The following KAT2B variants were observed in gnomAD, a reference collection of about 807,000 sequenced individuals.
KAT2B encodes the protein lysine acetyltransferase 2B.
In KAT2B, 36 loss-of-function variants were observed where a neutral mutation model predicts 105.9. The ratio of observed to expected loss-of-function variants is 0.34; its 90% CI spans 0.26 to 0.45. The LOEUF (loss-of-function observed/expected upper bound fraction) is 0.45, where lower values mean the gene tolerates loss of function less well. Ranked by LOEUF, KAT2B falls within the 20% of genes least tolerant of loss-of-function variation. The pLI, the probability that KAT2B is intolerant of heterozygous loss-of-function variation, is 1.00. For missense variants in KAT2B, 820 were observed against 1,021.6 expected, an observed-to-expected ratio of 0.80 and a Z score of 2.69; for synonymous variants, 397 against 377.9, an observed-to-expected ratio of 1.05 and a Z score of -0.59.
chr3:20,138,048 A>C (rs1236348105), intron 12 of KAT2B, among the ~76,000 whole-genome samples: 1 of 152,216 alleles, frequency 6.6e-6, no homozygotes, highest in East Asian at 1.9e-4. Context: ...ATTATTTTTA[A>C]TAGTGATTTA....
chr3:20,151,194 A>G (rs3804572), intron 17 of KAT2B, among the ~76,000 whole-genome samples: 28,983 of 152,156 alleles, frequency 0.19, 3,144 homozygotes, highest in East Asian at 0.38. Flanking sequence ...ATGTGATGAC[A>G]TACACTCTAA....
chr3:20,053,590 G>A (rs1360778088), intron 1 of KAT2B, among the ~76,000 whole-genome samples: 1 of 152,110 alleles, frequency 6.6e-6, no homozygotes, highest in Non-Finnish European at 1.5e-5. Flanking sequence ...TATGAGATCA[G>A]TGAGTTAAAA....
intron 1 of KAT2B, among the ~76,000 whole-genome samples, chr3:20,052,757 C>T (rs1332704287): frequency 4.6e-5 from 7 of 151,972 alleles, no homozygotes; most frequent in African/African-American, 9.7e-5. Flanking sequence ...CACCTGAGGT[C>T]GGGAGTTTGA....
chr3:20,073,633 AGCTCT>A (rs1698365542), intron 2 of KAT2B, among the ~76,000 whole-genome samples: 1 of 152,240 alleles, frequency 6.6e-6, no homozygotes, highest in South Asian at 2.1e-4. Context: ...AAACAATGTG[AGCTCT>A]GAGTTTTGAA....
At chr3:20,061,089 C>T (rs1698092153) in intron 1 of KAT2B, among the ~76,000 whole-genome samples, 1 of 152,172 alleles carries the variant, frequency 6.6e-6, no homozygotes, top group African/African-American at 2.4e-5. Flanking sequence ...ATCCACAGAA[C>T]ACTTTTCAGC....
chr3:20,130,867 G>A (rs1049747585), intron 11 of KAT2B, among the ~76,000 whole-genome samples: 32 of 151,712 alleles, frequency 2.1e-4, no homozygotes, highest in African/African-American at 3.4e-4. Context: ...GTGTGTGTGT[G>A]TGTGCGTGCA....
intron 1 of KAT2B, among the ~76,000 whole-genome samples, chr3:20,061,631 C>T (rs565031096): frequency 2.6e-5 from 4 of 151,778 alleles, no homozygotes; most frequent in South Asian, 2.1e-4. Flanking sequence ...TACATCCTCT[C>T]CAACACTGTT....
At chr3:20,075,004 G>C (rs1424803664) in intron 2 of KAT2B, among the ~76,000 whole-genome samples, 1 of 152,062 alleles carries the variant, frequency 6.6e-6, no homozygotes, top group Admixed American at 6.6e-5. Flanking sequence ...GGTGGCTCAC[G>C]CCTGTAATTC....
chr3:20,068,088 C>T (rs900425915), intron 1 of KAT2B, among the ~76,000 whole-genome samples: 1 of 151,768 alleles, frequency 6.6e-6, no homozygotes, highest in Non-Finnish European at 1.5e-5. Context: ...CCTCTGCCTC[C>T]CGGGTTCAAG....
intron 8 of KAT2B, among the ~76,000 whole-genome samples, chr3:20,121,311 G>C (rs1699303658): frequency 6.6e-6 from 1 of 152,188 alleles, no homozygotes; most frequent in Non-Finnish European, 1.5e-5. Flanking sequence ...TATTGAGATA[G>C]CAGTGGGATT....
At chr3:20,066,122 A>G (rs1698219360) in intron 1 of KAT2B, among the ~76,000 whole-genome samples, 1 of 152,016 alleles carries the variant, frequency 6.6e-6, no homozygotes, top group Admixed American at 6.6e-5. Flanking sequence ...TCTTCCTAGC[A>G]TCTGGTGGTG....
chr3:20,106,035 A>C (rs965243901), intron 5 of KAT2B, among the ~76,000 whole-genome samples: 1 of 152,186 alleles, frequency 6.6e-6, no homozygotes, highest in Non-Finnish European at 1.5e-5. Flanking sequence ...ACTTTAATTA[A>C]GTAACTGGGC....
intron 8 of KAT2B, among the ~76,000 whole-genome samples, chr3:20,120,702 C>T (rs1346475958): frequency 6.6e-6 from 1 of 152,100 alleles, no homozygotes; most frequent in African/African-American, 2.4e-5. Context: ...TAATCTACCA[C>T]ATGGGCAAAA....
chr3:20,083,902 G>A (rs1201567876), intron 2 of KAT2B, among the ~76,000 whole-genome samples: 3 of 152,132 alleles, frequency 2.0e-5, no homozygotes, highest in Admixed American at 1.3e-4. Context: ...TTTCCGTGAT[G>A]GTGGTGCACC....
At chr3:20,065,313 G>T (rs9826880) in intron 1 of KAT2B, among the ~76,000 whole-genome samples, 1,993 of 152,248 alleles carry the variant, frequency 0.013, 37 homozygotes, top group African/African-American at 0.045. Flanking sequence ...TCCCTAAAAG[G>T]TTGTCCTTCA....
chr3:20,077,128 G>C (rs971524519), intron 2 of KAT2B, among the ~76,000 whole-genome samples: 6 of 152,176 alleles, frequency 3.9e-5, no homozygotes, highest in Non-Finnish European at 8.8e-5. Context: ...TAAAACACAG[G>C]AGTGAGATAG....
At chr3:20,132,875 C>A (rs1202330619) in intron 11 of KAT2B, among the ~76,000 whole-genome samples, 3 of 152,320 alleles carry the variant, frequency 2.0e-5, no homozygotes, top group Admixed American at 1.3e-4. Context: ...TAACTCCTTA[C>A]AAGATGGTGC....
rs1264468191 is a variant in KAT2B at position 20,061,944 on chromosome 3, A to G, written c.304-10389A>G. Among the ~76,000 whole-genome samples, 27 of 119,338 alleles carry G rather than the reference A, an allele frequency of 2.3e-4. 4 individuals carry two copies. Among genetic ancestry groups the G allele is most frequent in the Non-Finnish European group, 3.3e-4 (21 of 62,720 alleles). 78.3% of individuals were successfully genotyped at this position (119,338 alleles called of 152,430 possible). ...TTATATATCATATATAAAACATAAT[A>G]TATATTATATATAAAACATAATATA... On this transcript the variant is annotated intron_variant, in intron 1 of 17. Coordinates refer to ENST00000263754, the MANE Select transcript of KAT2B (RefSeq NM_003884.5).
intron 3 of KAT2B, among the ~76,000 whole-genome samples, chr3:20,096,505 T>C (rs900013306): frequency 6.6e-6 from 1 of 152,208 alleles, no homozygotes; most frequent in African/African-American, 2.4e-5. Flanking sequence ...TTGTAGATTA[T>C]GTTGTATTGT....
Sources: gnomAD v4.1 joint callset for allele counts (sites outside exome capture counted in the v4.1 genomes callset) on GRCh38, gnomAD v4.1.1 for gene constraint, MANE v1.5 for transcripts, NCBI Gene and HGNC (gene_info 2026-07-23, HGNC 2026-07-21) for gene names.